The following SMG7 variants were observed in gnomAD, a reference collection of about 807,000 sequenced individuals.
The protein encoded by SMG7 is SMG7 nonsense mediated mRNA decay factor.
In SMG7, 34 loss-of-function variants were observed where a neutral mutation model predicts 148.2. That is an observed-to-expected ratio of 0.23 (90% CI 0.17 to 0.31). SMG7 has a LOEUF of 0.31. Ranked by LOEUF, SMG7 falls within the 10% of genes least tolerant of loss-of-function variation. SMG7 has a pLI of 1.00. For synonymous variants in SMG7, 492 were observed against 515.1 expected (o/e 0.96, Z 0.61); for missense variants, 1,114 against 1,408.4 (o/e 0.79, Z 3.35).
intron 1 of SMG7, among the ~76,000 whole-genome samples, chr1:183,504,164 A>G (rs1660379367): frequency 6.6e-6 from 1 of 151,986 alleles, no homozygotes; most frequent in African/African-American, 2.4e-5. Context: ...TGTATCTGTC[A>G]CCTTACCTAG....
chr1:183,484,306 T>G (rs1233797120), intron 1 of SMG7, among the ~76,000 whole-genome samples: 1 of 152,054 alleles, frequency 6.6e-6, no homozygotes, highest in African/African-American at 2.4e-5. Flanking sequence ...GTTGTTACAC[T>G]ATATTGCTTT....
At chr1:183,550,006 A>G (rs1283291086) in intron 20 of SMG7, 83 bp downstream of exon 20, 3 of 867,284 alleles carry the variant, frequency 3.5e-6, no homozygotes, top group Non-Finnish European at 5.2e-6. Flanking sequence ...CTGTAATTAC[A>G]AATATATCAT....
At chr1:183,551,684 A>G in intron 22 of SMG7, 134 bp from the exon 23 acceptor site, 1 of 560,294 alleles carries the variant, frequency 1.8e-6, no homozygotes, top group Non-Finnish European at 3.1e-6. Context: ...TTTTTCTAAT[A>G]GCTGGATTTT....
At chr1:183,500,382 A>G (rs1385974889) in intron 1 of SMG7, among the ~76,000 whole-genome samples, 1 of 152,194 alleles carries the variant, frequency 6.6e-6, no homozygotes, top group Non-Finnish European at 1.5e-5. Context: ...TGGTTCTCAG[A>G]TGGAAAACCT....
Position 183,551,818 on chromosome 1 carries a change from T to G in SMG7, c.3451T>G (p.Ser1151Ala). ...TGACAAGATCTGGACTGTTTTTCAG[T>G]CTATCTGGTCCAGTTCCATGATGCA... ...SSAVLMESLKSIWSSSMMHPG... is the reference protein window; with the variant it reads ...SSAVLMESLKAIWSSSMMHPG... The change falls in exon 23 of 23, where the codon TCT becomes GCT. Residue 1151 changes from serine (S) to alanine (A), a missense_variant and splice_region_variant. By Grantham distance (99) the Ser-to-Ala change is moderately conservative. This residue lies in a region of SMG7 where 788 missense variants were observed against 894.5 expected (regional missense o/e 0.88). Coordinates refer to ENST00000688051, the MANE Select transcript of SMG7 (RefSeq NM_001375584.1). 6.3e-7 allele frequency: 1 copy of G among 1,597,412 alleles called. No individual in the cohort carries two copies. Among genetic ancestry groups the G allele is most frequent in the South Asian group, 1.1e-5 (1 of 89,070 alleles).
chr1:183,550,965 C>G (rs770260968), intron 21 of SMG7, 44 bp downstream of exon 21: 10 of 1,613,578 alleles, frequency 6.2e-6, no homozygotes, highest in Admixed American at 1.7e-5. Flanking sequence ...AAAGAATTTA[C>G]TCTATCCTTC....
At chr1:183,543,024 C>T (rs963094595) in intron 14 of SMG7, among the ~76,000 whole-genome samples, 3 of 149,760 alleles carry the variant, frequency 2.0e-5, no homozygotes, top group East Asian at 1.9e-4. Context: ...ATACTTGTCC[C>T]GGCTATTGGT....
At chr1:183,512,697 T>G in intron 1 of SMG7, 140 bp from the exon 2 acceptor site, 1 of 757,740 alleles carries the variant, frequency 1.3e-6, no homozygotes, top group East Asian at 2.8e-5. Context: ...GGATGCTGTT[T>G]GCAGTGCCAC....
In SMG7 at chr1:183,553,400, G is replaced by A; in HGVS notation, c.*1469G>A. The stretch of plus-strand genomic sequence containing the variant: ...AGGTCTCTCCTTTGTGTGTCTGTAT[G>A]TTTGTGTACACACACGTGCCCATCT... On this transcript the variant is annotated 3_prime_UTR_variant, in exon 23 of 23. Transcript: ENST00000688051. The A allele has an allele frequency of 1.7e-6, 1 of 599,998 alleles. No individual in the cohort carries two copies. Among genetic ancestry groups the A allele is most frequent in the Non-Finnish European group, 2.9e-6 (1 of 349,576 alleles). The allele number at this position is 599,998 out of a possible 1,614,324, so 37.2% of individuals were successfully genotyped here. A position where few individuals can be genotyped will look rare whatever the true frequency, so the allele number is the denominator to read the frequency against.
At chr1:183,542,815 C>T (rs1308007063) in intron 14 of SMG7, among the ~76,000 whole-genome samples, 1 of 151,646 alleles carries the variant, frequency 6.6e-6, no homozygotes, top group Non-Finnish European at 1.5e-5. Context: ...GATATAACTA[C>T]CATTTGTCAA....
chr1:183,507,675 T>C (rs959032106), intron 1 of SMG7, among the ~76,000 whole-genome samples: 38 of 152,224 alleles, frequency 2.5e-4, no homozygotes, highest in African/African-American at 9.2e-4. Context: ...ATAATATCTA[T>C]ATGTATTCTA....
At chr1:183,473,840 G>A (rs1364545036) in intron 1 of SMG7, 27 of 985,220 alleles carry the variant, frequency 2.7e-5, no homozygotes, top group Non-Finnish European at 3.3e-5. Flanking sequence ...AGTCACTTTA[G>A]CTGTTTAGTG....
intron 2 of SMG7, chr1:183,513,143 T>G: frequency 2.9e-6 from 1 of 341,828 alleles, no homozygotes; most frequent in Non-Finnish European, 5.1e-6. Flanking sequence ...TGAAACTTTT[T>G]ATTAATGATT....
In SMG7 at chr1:183,550,883, A is replaced by G. The variant is rs975147334; in HGVS notation, c.3266A>G (p.Asp1089Gly). 1 of 1,614,174 alleles carries G rather than the reference A, an allele frequency of 6.2e-7. No homozygotes were observed. The highest frequency in any genetic ancestry group is 1.3e-5 in the African/African-American group (1 of 75,050). Reference sequence around the variant, plus strand: ...CCCATTGGGACTCCAGATAACAGGGATAGAAGGACTGCAGATCGGTGGAAA... The same window carrying G: ...CCCATTGGGACTCCAGATAACAGGGGTAGAAGGACTGCAGATCGGTGGAAA... ...FGPIGTPDNRDRRTADRWKTD... is the reference protein window; with the variant it reads ...FGPIGTPDNRGRRTADRWKTD... The change falls in exon 21 of 23, where the codon GAT becomes GGT. Residue 1089 changes from aspartate to glycine, a missense_variant. Coordinates refer to ENST00000688051, the MANE Select transcript of SMG7 (RefSeq NM_001375584.1).
Position 183,472,631 on chromosome 1 carries a change from A to G in SMG7, c.11A>G (p.Gln4Arg), listed in dbSNP as rs908527082. 21 of 1,466,562 alleles carry G rather than the reference A, an allele frequency of 1.4e-5. No individual in the cohort carries two copies. Among genetic ancestry groups the G allele is most frequent in the Admixed American group, 4.4e-5 (2 of 45,142 alleles). 90.8% of individuals were successfully genotyped at this position (1,466,562 alleles called of 1,614,324 possible). Residue 4 changes from glutamine to arginine, a missense_variant, in exon 1 of 23, where the codon CAG becomes CGG. By Grantham distance (43) the Gln-to-Arg change is conservative. Around this residue, in one of 4 missense-constraint regions of SMG7, gnomAD observed 216 missense variants for 329.1 expected, o/e 0.66. Coordinates refer to ENST00000688051, the MANE Select transcript of SMG7 (RefSeq NM_001375584.1). MSL[Q>R]SAQYLRQAEV... is the part of the protein sequence containing the mutation. ...CGGCGGCGGCGGAGGATGAGCCTGC[A>G]GAGCGCGCAGTACCTCCGGTGAGTG...
chr1:183,536,143 G>A (rs1667748886), intron 10 of SMG7, among the ~76,000 whole-genome samples: 1 of 151,866 alleles, frequency 6.6e-6, no homozygotes, highest in Non-Finnish European at 1.5e-5. Flanking sequence ...AATAAAAATT[G>A]GTTGATACAT....
At chr1:183,477,412 G>GCA (rs1652527923) in intron 1 of SMG7, among the ~76,000 whole-genome samples, 1 of 151,910 alleles carries the variant, frequency 6.6e-6, no homozygotes, top group Non-Finnish European at 1.5e-5. Flanking sequence ...GTGTGTGTGT[G>GCA]TGTGTGTATG....
intron 1 of SMG7, among the ~76,000 whole-genome samples, chr1:183,484,336 ATTG>A (rs955295921): frequency 4.6e-5 from 7 of 151,622 alleles, no homozygotes; most frequent in African/African-American, 7.3e-5. Flanking sequence ...ATTTTAAAAA[ATTG>A]TTATTTTTTT....
At chr1:183,510,925 A>C (rs1661969183) in intron 1 of SMG7, among the ~76,000 whole-genome samples, 1 of 151,984 alleles carries the variant, frequency 6.6e-6, no homozygotes, top group East Asian at 1.9e-4. Context: ...TGGGAGGCGG[A>C]GCTTGCAGTG....
Sources: gnomAD v4.1 joint callset for allele counts (sites outside exome capture counted in the v4.1 genomes callset) on GRCh38, gnomAD v4.1.1 for gene constraint, gnomAD v4.1.1 regional missense constraint, MANE v1.5 for transcripts, NCBI Gene and HGNC (gene_info 2026-07-23, HGNC 2026-07-21) for gene names.